Variants in PLAC8L1 observed in about 807,000 individuals in gnomAD.
PLAC8L1 encodes PLAC8 like 1, also known as PLAC8-like protein 1.
PLAC8L1 carries 13 observed loss-of-function variants against 16.3 expected under a neutral mutation model. That is an observed-to-expected ratio of 0.80 (90% CI 0.52 to 1.27). The LOEUF is 1.27. PLAC8L1 is among the 50% of genes most tolerant of loss of function. The probability of loss-of-function intolerance (pLI) is 0.00; values close to 1 mark genes in which losing one functional copy is unlikely to be tolerated. For synonymous variants in PLAC8L1, 78 were observed against 79.3 expected (o/e 0.98, Z 0.09); for missense variants, 184 against 220.2 (o/e 0.84, Z 1.04).
intron 2 of PLAC8L1, among the ~76,000 whole-genome samples, chr5:146,088,688 T>C (rs1000772235): frequency 2.2e-4 from 34 of 152,318 alleles, no homozygotes; most frequent in African/African-American, 8.2e-4. Context: ...TAGACATCTC[T>C]TGGCCCAAAG....
chr5:146,097,180 C>T (rs1763731725), intron 2 of PLAC8L1, among the ~76,000 whole-genome samples: 1 of 152,174 alleles, frequency 6.6e-6, no homozygotes, highest in Non-Finnish European at 1.5e-5. Context: ...GGGATCCTGA[C>T]ATGTGGTACC....
chr5:146,093,852 CA>C (rs1461317409), intron 2 of PLAC8L1, among the ~76,000 whole-genome samples: 1 of 152,148 alleles, frequency 6.6e-6, no homozygotes, highest in Admixed American at 6.5e-5. Flanking sequence ...TAGTACACAT[CA>C]GTCTCTTTAC....
Position 146,098,163 on chromosome 5 carries a change from C to T in PLAC8L1, c.249G>A (p.Arg83=), listed in dbSNP as rs1466861342. The change falls in exon 2 of 4, where the codon AGG becomes AGA. Residue 83 remains arginine, a synonymous_variant. Transcript: ENST00000311450. ...STGLFSVCRD[R]RICFCGLFCP... is the part of the protein sequence containing the mutation. ...TAAGGAGGAAAAACTTACAAATTCT[C>T]CTATCTCTGCAGACACTGAAGAGAC... 2.5e-6 allele frequency: 4 copies of T among 1,610,240 alleles called. No individual in the cohort carries two copies. In the African/African-American group the frequency reaches 5.3e-5, roughly 22 times the overall value.
At chr5:146,089,740 C>CTTTTTT (rs35287551) in intron 2 of PLAC8L1, among the ~76,000 whole-genome samples, 10 of 136,198 alleles carry the variant, frequency 7.3e-5, no homozygotes, top group African/African-American at 1.4e-4. Context: ...ACTTCTTCTT[C>CTTTTTT]TTTTTTTTTT....
At chr5:146,101,676 TTA>T (rs1444304260) in intron 1 of PLAC8L1, among the ~76,000 whole-genome samples, 1 of 152,212 alleles carries the variant, frequency 6.6e-6, no homozygotes, top group Non-Finnish European at 1.5e-5. Flanking sequence ...AGCTACAAAT[TTA>T]TGTGAACTTT....
intron 2 of PLAC8L1, among the ~76,000 whole-genome samples, chr5:146,096,237 T>G (rs774529545): frequency 6.6e-6 from 1 of 152,218 alleles, no homozygotes; most frequent in Non-Finnish European, 1.5e-5. Flanking sequence ...GGCCTTCTCC[T>G]TTGTGTGTCT....
chr5:146,104,516 C>T lies in PLAC8L1; in HGVS notation c.-205G>A, dbSNP rs955582802. 8.0e-5 allele frequency: 38 copies of T among 473,038 alleles called. No homozygotes were observed. Among genetic ancestry groups the T allele is most frequent in the Non-Finnish European group, 4.2e-5 (11 of 260,722 alleles). The allele number at this position is 473,038 out of a possible 1,614,324, so 29.3% of individuals were successfully genotyped here. ...TACACCTAACTGTGGACACATTCAT[C>T]TTACTAATCTGTAGGGAGATATTGC... On this transcript the variant is annotated 5_prime_UTR_variant, in exon 1 of 4. Coordinates refer to ENST00000311450, the MANE Select transcript of PLAC8L1 (RefSeq NM_001029869.3).
intron 2 of PLAC8L1, among the ~76,000 whole-genome samples, chr5:146,093,363 G>A (rs1456642197): frequency 1.3e-5 from 2 of 152,160 alleles, no homozygotes; most frequent in Non-Finnish European, 2.9e-5. Flanking sequence ...GTGCATGGCA[G>A]TCTTTACAAA....
intron 2 of PLAC8L1, among the ~76,000 whole-genome samples, chr5:146,095,126 T>C (rs747345541): frequency 2.6e-5 from 4 of 152,212 alleles, no homozygotes; most frequent in Non-Finnish European, 5.9e-5. Flanking sequence ...AGTAATATAT[T>C]ACCTTTAAGT....
At chr5:146,094,897 TGGG>T in intron 2 of PLAC8L1, among the ~76,000 whole-genome samples, 1 of 152,198 alleles carries the variant, frequency 6.6e-6, no homozygotes, top group Non-Finnish European at 1.5e-5. Context: ...TGTCCCAGGA[TGGG>T]AATCTGGCAT....
intron 1 of PLAC8L1, among the ~76,000 whole-genome samples, chr5:146,098,844 T>C (rs1038593879): frequency 6.6e-6 from 1 of 152,188 alleles, no homozygotes; most frequent in African/African-American, 2.4e-5. Flanking sequence ...GACTGAAACC[T>C]GGACTAGGCT....
intron 2 of PLAC8L1, among the ~76,000 whole-genome samples, chr5:146,097,264 T>C (rs546600544): frequency 1.3e-5 from 2 of 152,334 alleles, no homozygotes; most frequent in Admixed American, 6.5e-5. Flanking sequence ...GGGGGAATCA[T>C]GTAGCCAGAA....
At chr5:146,101,456 G>A (rs183829282) in intron 1 of PLAC8L1, among the ~76,000 whole-genome samples, 6 of 152,218 alleles carry the variant, frequency 3.9e-5, no homozygotes, top group Admixed American at 1.3e-4. Flanking sequence ...TTGCTGATTT[G>A]AAATTGGCCC....
chr5:146,084,357 A>G lies in PLAC8L1; in HGVS notation c.*75T>C. ...TTTCATACCATTTCAGTAAAAACTT[A>G]GGAAAAAGCAATTGTTCCACTGAGA... On this transcript the variant is annotated 3_prime_UTR_variant, in exon 4 of 4. Coordinates refer to ENST00000311450, the MANE Select transcript of PLAC8L1 (RefSeq NM_001029869.3). The G allele has an allele frequency of 1.3e-6, 2 of 1,517,646 alleles. No homozygotes were observed. The highest frequency in any genetic ancestry group is 1.2e-5 in the South Asian group (1 of 81,190). The allele number at this position is 1,517,646 out of a possible 1,614,324, so 94.0% of individuals were successfully genotyped here.
chr5:146,092,287 C>T (rs1368116000), intron 2 of PLAC8L1, among the ~76,000 whole-genome samples: 1 of 152,194 alleles, frequency 6.6e-6, no homozygotes, highest in African/African-American at 2.4e-5. Context: ...ATTAGTACAA[C>T]TTCCAAATGG....
intron 2 of PLAC8L1, among the ~76,000 whole-genome samples, chr5:146,092,773 T>G (rs1443074013): frequency 6.6e-6 from 1 of 152,098 alleles, no homozygotes; most frequent in Non-Finnish European, 1.5e-5. Flanking sequence ...CCTGACCTTG[T>G]GATCTGCCCG....
Position 146,104,507 on chromosome 5 carries a change from C to T in PLAC8L1, c.-196G>A, listed in dbSNP as rs1243430791. On this transcript the variant is annotated 5_prime_UTR_variant, in exon 1 of 4. Coordinates refer to ENST00000311450, the MANE Select transcript of PLAC8L1 (RefSeq NM_001029869.3). The stretch of plus-strand genomic sequence containing the variant: ...AAACAGGTATACACCTAACTGTGGA[C>T]ACATTCATCTTACTAATCTGTAGGG... 1.4e-5 allele frequency: 7 copies of T among 495,326 alleles called. No individual in the cohort carries two copies. Among genetic ancestry groups the T allele is most frequent in the Non-Finnish European group, 2.6e-5 (7 of 273,668 alleles). 30.7% of individuals were successfully genotyped at this position (495,326 alleles called of 1,614,324 possible). A position where few individuals can be genotyped will look rare whatever the true frequency, so the allele number is the denominator to read the frequency against.
intron 2 of PLAC8L1, among the ~76,000 whole-genome samples, chr5:146,096,834 A>G (rs1346803483): frequency 6.6e-6 from 1 of 152,236 alleles, no homozygotes; most frequent in Non-Finnish European, 1.5e-5. Flanking sequence ...AAGAATTCTG[A>G]GAGAACCAGA....
chr5:146,101,227 G>A (rs1763811577), intron 1 of PLAC8L1, among the ~76,000 whole-genome samples: 1 of 149,132 alleles, frequency 6.7e-6, no homozygotes, highest in Admixed American at 6.7e-5. Context: ...AAAATAGGTG[G>A]CCTTATAAGA....
Sources: gnomAD v4.1 joint callset for allele counts (sites outside exome capture counted in the v4.1 genomes callset) on GRCh38, gnomAD v4.1.1 for gene constraint, MANE v1.5 for transcripts, NCBI Gene and HGNC (gene_info 2026-07-23, HGNC 2026-07-21) for gene names.